CLCN1: variants seen among roughly 807,000 people sequenced by gnomAD.
CLCN1 encodes the protein chloride voltage-gated channel 1.
CLCN1 carries 100 observed loss-of-function variants against 114.5 expected under a neutral mutation model. That is an observed-to-expected ratio of 0.87 (90% CI 0.74 to 1.03). The LOEUF (loss-of-function observed/expected upper bound fraction) is 1.03, where lower values mean the gene tolerates loss of function less well. Among genes scored for constraint, CLCN1 ranks in the 50% least tolerant of loss-of-function variants. The pLI is 0.00. For missense variants in CLCN1, 1,188 were observed against 1,250.0 expected (o/e 0.95, Z 0.75); for synonymous variants, 485 against 487.1 (o/e 1.00, Z 0.06).
At position 143,341,788 on chromosome 7, in the gene CLCN1, T is replaced by C. The variant is rs578136093; in HGVS notation, c.1583-141T>C. 92 of 715,260 alleles carry C rather than the reference T, an allele frequency of 1.3e-4. 1 individual carries two copies. Among genetic ancestry groups the C allele is most frequent in the Admixed American group, 1.3e-3 (64 of 49,800 alleles). 44.3% of individuals were successfully genotyped at this position (715,260 alleles called of 1,614,324 possible). On this transcript the variant is annotated intron_variant, in intron 14 of 22. Coordinates refer to ENST00000343257, the MANE Select transcript of CLCN1 (RefSeq NM_000083.3). ...TCTAAGAGTTCAGTATTCTATTCCCTACTCTTGACAAGTCATTATGAGTAT... is the reference window on the plus strand; with the variant it reads ...TCTAAGAGTTCAGTATTCTATTCCCCACTCTTGACAAGTCATTATGAGTAT...
rs1803234383 is a variant in CLCN1, at chr7:143,346,081, G to A, written c.2173-59G>A. The A allele has an allele frequency of 2.7e-6, 3 of 1,107,770 alleles. No individual in the cohort carries two copies. In the African/African-American group the frequency reaches 4.6e-5, roughly 17 times the overall value. 68.6% of individuals were successfully genotyped at this position (1,107,770 alleles called of 1,614,324 possible). A position where few individuals can be genotyped will look rare whatever the true frequency, so the allele number is the denominator to read the frequency against. Reference sequence around the variant, plus strand: ...CCAGAACATCCACCAACTGGTAAAGGCAGTGAAGGCCCAGGCAGTCTCTGC... The same window carrying A: ...CCAGAACATCCACCAACTGGTAAAGACAGTGAAGGCCCAGGCAGTCTCTGC... On this transcript the variant is annotated intron_variant, in intron 17 of 22. Transcript: ENST00000343257.
chr7:143,333,917 C>A (rs1329224403), intron 12 of CLCN1, among the ~76,000 whole-genome samples: 1 of 152,216 alleles, frequency 6.6e-6, no homozygotes, highest in African/African-American at 2.4e-5. Flanking sequence ...ACATCTATTA[C>A]AATTGCTGAT....
rs1336172011 is a variant in CLCN1, at chr7:143,350,631, A to G, written c.2572A>G (p.Arg858Gly). 1 of 1,613,990 alleles carries G rather than the reference A, an allele frequency of 6.2e-7. No individual in the cohort carries two copies. The highest frequency in any genetic ancestry group is 1.3e-5 in the African/African-American group (1 of 74,922). The change falls in exon 22 of 23, where the codon AGG becomes GGG. Residue 858 changes from arginine to glycine, a missense_variant. By Grantham distance (125) the Arg-to-Gly change is moderately radical (BLOSUM62 -2). Coordinates refer to ENST00000343257, the MANE Select transcript of CLCN1 (RefSeq NM_000083.3). The surrounding 1 kb of genome is among the most constrained non-coding windows in gnomAD (Gnocchi z 5.1). ...LAYVTSMGKL[R>G]GVLALEELQK... Reference sequence around the variant, plus strand: ...TTACGTGACCAGCATGGGGAAGCTCAGGGGCGTCCTGGCCCTGGAGGAGGT... The same window carrying G: ...TTACGTGACCAGCATGGGGAAGCTCGGGGGCGTCCTGGCCCTGGAGGAGGT...
intron 12 of CLCN1, among the ~76,000 whole-genome samples, chr7:143,337,895 C>T (rs1439138178): frequency 1.6e-5 from 2 of 128,458 alleles, no homozygotes; most frequent in African/African-American, 5.7e-5. Context: ...GGCATGATCT[C>T]AGCTCACTGC....
chr7:143,317,062 T>G (rs954844989), intron 1 of CLCN1, among the ~76,000 whole-genome samples: 1 of 152,022 alleles, frequency 6.6e-6, no homozygotes, highest in African/African-American at 2.4e-5. Context: ...CCTCCCGCTG[T>G]GGGATTGGTG....
intron 20 of CLCN1, 129 bp downstream of exon 20, chr7:143,347,078 G>A: frequency 1.2e-6 from 1 of 862,416 alleles, no homozygotes; most frequent in Non-Finnish European, 2.0e-6. Context: ...GTTTTGAGAG[G>A]ATGGAAATAA....
At chr7:143,328,820 G>A (rs545971790) in intron 7 of CLCN1, among the ~76,000 whole-genome samples, 4 of 152,158 alleles carry the variant, frequency 2.6e-5, no homozygotes, top group East Asian at 3.9e-4. Context: ...GCCTTTCTCT[G>A]TTTCCTGAAA....
At chr7:143,329,061 G>A (rs1302006802) in intron 7 of CLCN1, among the ~76,000 whole-genome samples, 1 of 151,204 alleles carries the variant, frequency 6.6e-6, no homozygotes, top group African/African-American at 2.4e-5. Context: ...TGCGTCTCCC[G>A]GGTTCAAGCA....
intron 22 of CLCN1, among the ~76,000 whole-genome samples, chr7:143,351,298 A>G (rs1803392539): frequency 6.6e-6 from 1 of 152,100 alleles, no homozygotes; most frequent in African/African-American, 2.4e-5. Context: ...AAAGCTGCGG[A>G]AAAAAGGCAG....
intron 6 of CLCN1, chr7:143,323,923 G>A (rs1166006226): frequency 1.5e-5 from 7 of 462,350 alleles, no homozygotes; most frequent in South Asian, 3.1e-5. Context: ...TCCCTATCCC[G>A]GTTGCCTAAG....
intron 5 of CLCN1, among the ~76,000 whole-genome samples, chr7:143,322,276 A>T (rs913832777): frequency 5.9e-5 from 9 of 152,158 alleles, no homozygotes; most frequent in Admixed American, 3.9e-4. Flanking sequence ...TGTCTTAGAG[A>T]TCATCCAGAC....
rs748760794 is a variant in CLCN1, at chr7:143,351,816, C to G, written c.2818C>G (p.Leu940Val). ...GCCATCTCCTTCCCCAGAGCCCCCTCTCTCCCTGGCCCCAGGCAAGGTAGA... is the reference window on the plus strand; with the variant it reads ...GCCATCTCCTTCCCCAGAGCCCCCTGTCTCCCTGGCCCCAGGCAAGGTAGA... ...PVPSPSPEPP[L>V]SLAPGKVEGE... is the part of the protein sequence containing the mutation. The change falls in exon 23 of 23, where the codon CTC becomes GTC. Residue 940 changes from leucine (L) to valine (V), a missense_variant. Transcript: ENST00000343257. 19 of 1,614,032 alleles carry G rather than the reference C, an allele frequency of 1.2e-5. No individual in the cohort carries two copies. The South Asian group carries it at 2.1e-4, about 18-fold the overall frequency.
chr7:143,335,175 G>A (rs186066674), intron 12 of CLCN1, among the ~76,000 whole-genome samples: 162 of 152,232 alleles, frequency 1.1e-3, no homozygotes, highest in African/African-American at 3.5e-3. Context: ...CCTCATCCCA[G>A]CTCTCCAGAT....
chr7:143,340,862 C>T (rs1803057869), intron 14 of CLCN1, among the ~76,000 whole-genome samples: 1 of 152,062 alleles, frequency 6.6e-6, no homozygotes, highest in Non-Finnish European at 1.5e-5. Flanking sequence ...TTCATATGTG[C>T]CTTCCTCTAC....
At chr7:143,331,753 G>A (rs1767155404) in intron 10 of CLCN1, 101 bp downstream of exon 10, 6 of 812,674 alleles carry the variant, frequency 7.4e-6, no homozygotes, top group Admixed American at 1.9e-5. Flanking sequence ...GCCTCTGGGT[G>A]GCTTGCATTA....
intron 16 of CLCN1, among the ~76,000 whole-genome samples, chr7:143,344,073 C>T (rs560340483): frequency 6.6e-6 from 1 of 152,336 alleles, no homozygotes; most frequent in East Asian, 1.9e-4. Context: ...CTCCTGACCT[C>T]AGGCGATCCA....
At position 143,321,738 on chromosome 7, in the gene CLCN1, AC is replaced by A; in HGVS notation, c.587del (p.Thr196LysfsTer8). ...AVGSGIPEMKTILRGVVLKEY... is the reference protein window; with the variant it reads ...AVGSGIPEMKXILRGVVLKEY... ...AGGCTCTGGAATCCCCGAAATGAAG[AC>A]AATACTTCGTGGGGTTGTCCTGAAG... On this transcript the variant is annotated frameshift_variant, in exon 5 of 23. Transcript: ENST00000343257. LOFTEE classifies it high-confidence loss of function. This position sits in a 1 kb window ranked among gnomAD's most constrained non-coding sequence, Gnocchi z 4.2. 1 of 1,614,252 alleles carries A rather than the reference AC, an allele frequency of 6.2e-7. No homozygotes were observed. Among genetic ancestry groups the A allele is most frequent in the Non-Finnish European group, 8.5e-7 (1 of 1,180,036 alleles).
chr7:143,319,051 C>G (rs765401028), intron 1 of CLCN1, among the ~76,000 whole-genome samples: 2 of 152,306 alleles, frequency 1.3e-5, no homozygotes, highest in South Asian at 4.1e-4. Flanking sequence ...CACAGACACA[C>G]GTGCTCTGCC....
intron 15 of CLCN1, 102 bp downstream of exon 15, chr7:143,342,244 AATT>A: frequency 3.4e-6 from 5 of 1,482,440 alleles, no homozygotes; most frequent in Non-Finnish European, 4.7e-6. Flanking sequence ...CACTGTTTTA[AATT>A]ATTATTATAT....
Sources: allele counts gnomAD v4.1 joint callset (sites outside exome capture counted in the v4.1 genomes callset), GRCh38; gene constraint gnomAD v4.1.1; non-coding constraint Gnocchi (gnomAD v3.1); transcripts MANE v1.5; gene names NCBI Gene and HGNC (gene_info 2026-07-23, HGNC 2026-07-21).